The following PELP1 variants were observed in gnomAD, a reference collection of about 807,000 sequenced individuals.
PELP1 encodes the protein proline, glutamate and leucine rich protein 1.
A neutral mutation model predicts 95.5 loss-of-function variants in PELP1; 32 were observed. The ratio of observed to expected loss-of-function variants is 0.34; its 90% CI spans 0.25 to 0.45. The LOEUF (loss-of-function observed/expected upper bound fraction) is 0.45. Ranked by LOEUF, PELP1 falls within the 20% of genes least tolerant of loss-of-function variation. The pLI is 1.00. For synonymous variants in PELP1, 668 were observed against 600.1 expected (o/e 1.11, Z -1.65); for missense variants, 1,358 against 1,444.8 (o/e 0.94, Z 0.97).
chr17:4,676,858 G>A (rs778386996), intron 5 of PELP1, 46 bp from the exon 6 acceptor site: 21 of 1,425,570 alleles, frequency 1.5e-5, no homozygotes, highest in Non-Finnish European at 1.9e-5. Context: ...CCAGCTCTGA[G>A]AGCCAGAGAT....
intron 1 of PELP1, among the ~76,000 whole-genome samples, chr17:4,697,672 T>G (rs560631772): frequency 6.6e-6 from 1 of 152,202 alleles, no homozygotes; most frequent in African/African-American, 2.4e-5. Context: ...AATGTCTTGA[T>G]GGACACCAGT....
At chr17:4,687,099 T>C (rs957454655) in intron 3 of PELP1, among the ~76,000 whole-genome samples, 5 of 152,102 alleles carry the variant, frequency 3.3e-5, no homozygotes, top group Non-Finnish European at 7.4e-5. Flanking sequence ...TCAGAAAAGC[T>C]CTCCCTGGAC....
chr17:4,697,875 A>C (rs1422230729), intron 1 of PELP1, among the ~76,000 whole-genome samples: 1 of 152,110 alleles, frequency 6.6e-6, no homozygotes, highest in East Asian at 1.9e-4. Flanking sequence ...TCTCCCCCCA[A>C]GACACTTAAC....
In PELP1 at chr17:4,672,062, G is replaced by A. The variant is rs1413239266; in HGVS notation, c.2929C>T (p.Pro977Ser). ...TAGGEVEEGA[P>S]PPPTLPPALP... ...GCTGGAGGCAGGGTTGGGGGTGGAGGTGCACCTTCTTCTACCTCCCCTCCT... is the reference window on the plus strand; with the variant it reads ...GCTGGAGGCAGGGTTGGGGGTGGAGATGCACCTTCTTCTACCTCCCCTCCT... Residue 977 changes from proline (P) to serine (S), a missense_variant, in exon 16 of 17, where the codon CCT (proline) becomes TCT (serine). Pro to Ser is a moderately conservative substitution (Grantham distance 74). Around this residue, in one of 7 missense-constraint regions of PELP1, gnomAD observed 283 missense variants for 284.1 expected, o/e 1.00. Coordinates refer to ENST00000572293, the MANE Select transcript of PELP1 (RefSeq NM_014389.3). 6 of 1,560,960 alleles carry A rather than the reference G, an allele frequency of 3.8e-6. No homozygotes were observed. The highest frequency in any genetic ancestry group is 2.4e-5 in the South Asian group (2 of 84,002).
At chr17:4,693,322 T>G (rs1913180376) in intron 1 of PELP1, among the ~76,000 whole-genome samples, 1 of 152,194 alleles carries the variant, frequency 6.6e-6, no homozygotes, top group Non-Finnish European at 1.5e-5. Flanking sequence ...TCAAATATAG[T>G]GCAGCAGCGC....
At position 4,672,971 on chromosome 17, in the gene PELP1, C is replaced by T; in HGVS notation, c.2020G>A (p.Val674Met). ...GGGCCTGCTGAGGGCATGGAGCCCA[C>T]TGAGGGCATGGGGCCCGGAGGATGG... ...PFHPPGPMPS[V>M]GSMPSAGPMP... The change falls in exon 16 of 17, where the codon GTG (valine) becomes ATG (methionine). Residue 674 changes from valine to methionine, a missense_variant. Physicochemically the swap from Val to Met is conservative, Grantham distance 21 (BLOSUM62 1). This residue lies in a region of PELP1 where 340 missense variants were observed against 322.9 expected (regional missense o/e 1.05). Transcript: ENST00000572293. 1 of 1,588,934 alleles carries T rather than the reference C, an allele frequency of 6.3e-7. No homozygotes were observed. The highest frequency in any genetic ancestry group is 8.6e-7 in the Non-Finnish European group (1 of 1,166,982).
At position 4,704,084 on chromosome 17, in the gene PELP1, A is replaced by C. The variant is rs1913675808; in HGVS notation, c.28T>G (p.Ser10Ala). The change falls in exon 1 of 17, where the codon TCT (serine) becomes GCT (alanine). Residue 10 changes from serine (S) to alanine (A), a missense_variant. By Grantham distance (99) the Ser-to-Ala change is moderately conservative. Around this residue, in one of 7 missense-constraint regions of PELP1, gnomAD observed 169 missense variants for 134.9 expected, o/e 1.25. Coordinates refer to ENST00000572293, the MANE Select transcript of PELP1 (RefSeq NM_014389.3). ...GGAACCCCAGCCGCGGAGCCCGCAG[A>C]GGGCCCACTCAGAACGGCTGCCGCC... MAAAVLSGP[S>A]AGSAAGVPGG... is the part of the protein sequence containing the mutation. 1 of 1,610,832 alleles carries C rather than the reference A, an allele frequency of 6.2e-7. No homozygotes were observed. Among genetic ancestry groups the C allele is most frequent in the African/African-American group, 1.3e-5 (1 of 74,916 alleles).
At position 4,673,500 on chromosome 17, in the gene PELP1, C is replaced by T. The variant is rs758140989; in HGVS notation, c.1639-44G>A. Reference sequence around the variant, plus strand: ...ACCTGGAAACATCCCCAAGACCACCCAACCCTTCTCCAGAGCCTACTCCCA... The same window carrying T: ...ACCTGGAAACATCCCCAAGACCACCTAACCCTTCTCCAGAGCCTACTCCCA... On this transcript the variant is annotated intron_variant, in intron 14 of 16. Transcript: ENST00000572293. This position sits in a 1 kb window ranked among gnomAD's most constrained non-coding sequence, Gnocchi z 5.7. 3 of 1,566,204 alleles carry T rather than the reference C, an allele frequency of 1.9e-6. No individual in the cohort carries two copies. The highest frequency in any genetic ancestry group is 2.6e-6 in the Non-Finnish European group (3 of 1,143,898).
In PELP1 at chr17:4,671,272, A is replaced by C. The variant is rs1032081956; in HGVS notation, c.*167T>G. The C allele has an allele frequency of 9.8e-6, 6 of 609,900 alleles. No homozygotes were observed. Among genetic ancestry groups the C allele is most frequent in the Non-Finnish European group, 1.5e-5 (5 of 341,080 alleles). 37.8% of individuals were successfully genotyped at this position (609,900 alleles called of 1,614,324 possible). On this transcript the variant is annotated 3_prime_UTR_variant, in exon 17 of 17. Transcript: ENST00000572293. Reference sequence around the variant, plus strand: ...AGTTGTTCCTCTCTGGATCGTCAAAAAGAGGACAGCTATGGAGACATCTGG... The same window carrying C: ...AGTTGTTCCTCTCTGGATCGTCAAACAGAGGACAGCTATGGAGACATCTGG...
At chr17:4,702,638 G>C (rs1166954259) in intron 1 of PELP1, among the ~76,000 whole-genome samples, 2 of 152,124 alleles carry the variant, frequency 1.3e-5, no homozygotes, top group Non-Finnish European at 2.9e-5. Context: ...CAAACAGATA[G>C]GGTTATCTGT....
At chr17:4,688,221 G>A (rs183620544) in intron 3 of PELP1, among the ~76,000 whole-genome samples, 96 of 152,198 alleles carry the variant, frequency 6.3e-4, no homozygotes, top group Admixed American at 2.4e-3. Flanking sequence ...TGTAATCCCG[G>A]CTACCTGGGA....
Position 4,672,048 on chromosome 17 carries a change from G to A in PELP1, c.2943C>T (p.Thr981=), listed in dbSNP as rs1912228860. 2 of 1,566,628 alleles carry A rather than the reference G, an allele frequency of 1.3e-6. No individual in the cohort carries two copies. Among genetic ancestry groups the A allele is most frequent in the Admixed American group, 1.9e-5 (1 of 53,448 alleles). ...EVEEGAPPPP[T]LPPALPPPES... ...CAGGGGGAGGCAGAGCTGGAGGCAG[G>A]GTTGGGGGTGGAGGTGCACCTTCTT... Residue 981 remains threonine, a synonymous_variant, in exon 16 of 17, where the codon ACC becomes ACT. Coordinates refer to ENST00000572293, the MANE Select transcript of PELP1 (RefSeq NM_014389.3).
intron 3 of PELP1, among the ~76,000 whole-genome samples, chr17:4,683,382 G>A (rs1165206957): frequency 1.5e-4 from 23 of 151,718 alleles, no homozygotes; most frequent in African/African-American, 2.9e-4. Context: ...CACCACGCCT[G>A]ACTAATTTTT....
At position 4,673,690 on chromosome 17, in the gene PELP1, G is replaced by A; in HGVS notation, c.1583-16C>T. ...CGGCTGAGGCCTGGGGAAGAAGAAT[G>A]GTGTGTAAAGGGTAGGCTCCCAACA... On this transcript the variant is annotated splice_polypyrimidine_tract_variant and intron_variant, in intron 13 of 16. Transcript: ENST00000572293. The surrounding 1 kb of genome is among the most constrained non-coding windows in gnomAD (Gnocchi z 5.7). The A allele has an allele frequency of 1.2e-6, 2 of 1,612,082 alleles. No individual in the cohort carries two copies. The highest frequency in any genetic ancestry group is 1.7e-6 in the Non-Finnish European group (2 of 1,178,172).
At chr17:4,698,574 G>A (rs746231181) in intron 1 of PELP1, among the ~76,000 whole-genome samples, 21 of 150,514 alleles carry the variant, frequency 1.4e-4, no homozygotes, top group Non-Finnish European at 1.8e-4. Flanking sequence ...CCCAGGGGGC[G>A]GAGGTTCCAG....
intron 5 of PELP1, among the ~76,000 whole-genome samples, chr17:4,681,673 A>G (rs570363938): frequency 3.9e-4 from 60 of 151,912 alleles, no homozygotes; most frequent in South Asian, 2.7e-3. Flanking sequence ...AGTGGTATGC[A>G]CCTGCAGTCC....
chr17:4,701,943 C>T (rs1042693724), intron 1 of PELP1, among the ~76,000 whole-genome samples: 1 of 152,114 alleles, frequency 6.6e-6, no homozygotes, highest in Non-Finnish European at 1.5e-5. Context: ...CCTAGTTTCC[C>T]ACATCACTCT....
rs1912345829 is a variant in PELP1 at position 4,673,939 on chromosome 17, T to G, written c.1583-265A>C. On this transcript the variant is annotated intron_variant, in intron 13 of 16. Transcript: ENST00000572293. The surrounding 1 kb of genome is among the most constrained non-coding windows in gnomAD (Gnocchi z 5.7). ...TATTTGGGAACAATCGGTTCTCCCC[T>G]TCCCATGGGATGGGGTGGCAGGCAG... The G allele has an allele frequency of 2.2e-6, 1 of 452,400 alleles. No homozygotes were observed. The highest frequency in any genetic ancestry group is 4.0e-6 in the Non-Finnish European group (1 of 249,154). 28.0% of individuals were successfully genotyped at this position (452,400 alleles called of 1,614,324 possible).
intron 1 of PELP1, among the ~76,000 whole-genome samples, chr17:4,700,992 T>TAAAAAAAAAAA (rs34278447): frequency 1.4e-4 from 4 of 29,434 alleles, no homozygotes; most frequent in Admixed American, 5.3e-4. Flanking sequence ...AAAGTTCCAC[T>TAAAAAAAAAAA]AAAAAAAAAA....
Sources: gnomAD v4.1 joint callset for allele counts (sites outside exome capture counted in the v4.1 genomes callset) on GRCh38, gnomAD v4.1.1 for gene constraint, gnomAD v4.1.1 regional missense constraint, Gnocchi (gnomAD v3.1) non-coding constraint, MANE v1.5 for transcripts, NCBI Gene and HGNC (gene_info 2026-07-23, HGNC 2026-07-21) for gene names.